Variants in NELL1 observed in about 807,000 individuals in gnomAD.
The protein encoded by NELL1 is neural EGFL like 1.
NELL1 carries 76 observed loss-of-function variants against 107.4 expected under a neutral mutation model. That is an observed-to-expected ratio of 0.71 (90% CI 0.59 to 0.86). The LOEUF is 0.86. Ranked by LOEUF, NELL1 falls within the 40% of genes least tolerant of loss-of-function variation. The pLI is 0.00. For synonymous variants in NELL1, 353 were observed against 341.2 expected (o/e 1.03, Z -0.38); for missense variants, 1,024 against 1,005.5 (o/e 1.02, Z -0.25).
chr11:21,352,247 T>C (rs531574645), intron 14 of NELL1, among the ~76,000 whole-genome samples: 1 of 152,318 alleles, frequency 6.6e-6, no homozygotes, highest in South Asian at 2.1e-4. Flanking sequence ...CCGTATCGCT[T>C]ACTATAATTT....
chr11:21,482,838 G>T (rs891259135), intron 15 of NELL1, among the ~76,000 whole-genome samples: 1 of 151,698 alleles, frequency 6.6e-6, no homozygotes, highest in African/African-American at 2.4e-5. Context: ...CAAGGAACAT[G>T]GTATTTGTAA....
At position 21,004,301 on chromosome 11, in the gene NELL1, A is replaced by C. The variant is rs183321416; in HGVS notation, c.1300+43741A>C. Among the ~76,000 whole-genome samples the C allele has an allele frequency of 2.4e-3, 369 of 152,268 alleles. 1 individual carries two copies. Among genetic ancestry groups the C allele is most frequent in the Non-Finnish European group, 4.1e-3 (277 of 68,020 alleles). On this transcript the variant is annotated intron_variant, in intron 12 of 19. Transcript: ENST00000357134. The stretch of plus-strand genomic sequence containing the variant: ...GTAATTGAAGTGGTTAATAAAAACT[A>C]ATTAATTAGAGTCAGTCTAGTTTAG...
intron 15 of NELL1, among the ~76,000 whole-genome samples, chr11:21,410,375 A>G (rs564265424): frequency 1.3e-5 from 2 of 152,096 alleles, no homozygotes; most frequent in South Asian, 4.1e-4. Flanking sequence ...TTCAAGTTCC[A>G]TCAGGTTTTG....
intron 12 of NELL1, among the ~76,000 whole-genome samples, chr11:20,966,288 G>A (rs954586683): frequency 6.6e-6 from 1 of 152,078 alleles, no homozygotes; most frequent in Non-Finnish European, 1.5e-5. Flanking sequence ...GGGCAAGAGG[G>A]GGCAGAACTG....
At chr11:21,254,442 T>C (rs976483893) in intron 14 of NELL1, among the ~76,000 whole-genome samples, 1 of 152,048 alleles carries the variant, frequency 6.6e-6, no homozygotes, top group Admixed American at 6.6e-5. Flanking sequence ...TTAAGTATCA[T>C]GAGAAAGGTT....
chr11:21,410,559 A>G (rs1027625199), intron 15 of NELL1, among the ~76,000 whole-genome samples: 8 of 152,036 alleles, frequency 5.3e-5, no homozygotes, highest in African/African-American at 1.9e-4. Flanking sequence ...TTTATAACCT[A>G]ACATAAATCA....
At chr11:21,565,323 G>T (rs1350081173) in intron 17 of NELL1, among the ~76,000 whole-genome samples, 1 of 151,858 alleles carries the variant, frequency 6.6e-6, no homozygotes, top group African/African-American at 2.4e-5. Context: ...TTCCCCTGTG[G>T]TAGTGTTCAA....
intron 15 of NELL1, among the ~76,000 whole-genome samples, chr11:21,436,657 A>G (rs1014375459): frequency 4.6e-5 from 7 of 151,542 alleles, no homozygotes; most frequent in Non-Finnish European, 7.4e-5. Context: ...GATATTCATT[A>G]TTTTTCCTCT....
intron 2 of NELL1, among the ~76,000 whole-genome samples, chr11:20,694,072 T>C (rs1453302675): frequency 6.6e-6 from 1 of 152,204 alleles, no homozygotes; most frequent in East Asian, 1.9e-4. Context: ...TTCCAGTTGA[T>C]TGCATGGGCT....
chr11:21,297,790 A>C (rs1009926187), intron 14 of NELL1, among the ~76,000 whole-genome samples: 7 of 152,016 alleles, frequency 4.6e-5, no homozygotes, highest in Non-Finnish European at 8.8e-5. Context: ...AGGTATAAGC[A>C]GGATCTATGA....
chr11:21,297,948 T>C (rs985641964), intron 14 of NELL1, among the ~76,000 whole-genome samples: 6 of 151,756 alleles, frequency 4.0e-5, no homozygotes, highest in Admixed American at 3.3e-4. Context: ...GAGAGCAAAA[T>C]AGGGCTGAGA....
intron 2 of NELL1, among the ~76,000 whole-genome samples, chr11:20,696,351 A>C (rs970492777): frequency 6.6e-6 from 1 of 151,902 alleles, no homozygotes; most frequent in African/African-American, 2.4e-5. Flanking sequence ...TCTAGGAGTG[A>C]AAAACACTAG....
intron 15 of NELL1, among the ~76,000 whole-genome samples, chr11:21,399,437 A>G (rs1467013991): frequency 2.0e-5 from 3 of 151,800 alleles, no homozygotes; most frequent in Non-Finnish European, 4.4e-5. Flanking sequence ...TTCAACATTA[A>G]TGTGTATCAT....
At chr11:21,364,706 G>A (rs1851174991) in intron 14 of NELL1, among the ~76,000 whole-genome samples, 1 of 152,114 alleles carries the variant, frequency 6.6e-6, no homozygotes, top group Non-Finnish European at 1.5e-5. Context: ...GCAATGCATA[G>A]TCTTAAACTG....
At chr11:21,113,764 C>T (rs932590802) in intron 13 of NELL1, 50 bp downstream of exon 13, 10 of 1,588,184 alleles carry the variant, frequency 6.3e-6, no homozygotes, top group Non-Finnish European at 8.6e-6. Flanking sequence ...ATTCTCTGCA[C>T]CATGTCTGTG....
In NELL1 at chr11:21,202,494, C is replaced by T. The variant is rs757336181; in HGVS notation, c.1427-26838C>T. ...ATATCCCCTTTATCATTTCTTATTG[C>T]ATCTATTTAATTCTTCTCTCATTTC... is the stretch of plus-strand genomic sequence containing the variant. On this transcript the variant is annotated intron_variant, in intron 13 of 19. Transcript: ENST00000357134. Among the ~76,000 whole-genome samples, 82 of 152,066 alleles carry T rather than the reference C, an allele frequency of 5.4e-4. 2 individuals are homozygous for T. Among genetic ancestry groups the T allele is most frequent in the Non-Finnish European group, 1.8e-4 (12 of 67,968 alleles).
intron 13 of NELL1, among the ~76,000 whole-genome samples, chr11:21,147,905 A>AAAAGT (rs1856023025): frequency 6.6e-6 from 1 of 151,706 alleles, no homozygotes; most frequent in Admixed American, 6.6e-5. Flanking sequence ...GATATCTTAG[A>AAAAGT]AAAGTAGTTG....
At chr11:21,516,437 T>C (rs1344433987) in intron 15 of NELL1, among the ~76,000 whole-genome samples, 1 of 152,142 alleles carries the variant, frequency 6.6e-6, no homozygotes, top group African/African-American at 2.4e-5. Flanking sequence ...ACAACAGGGA[T>C]ACATTTTAAG....
intron 15 of NELL1, among the ~76,000 whole-genome samples, chr11:21,418,886 A>G (rs998164422): frequency 2.6e-5 from 4 of 152,098 alleles, no homozygotes; most frequent in African/African-American, 9.7e-5. Context: ...CTTGCATCCA[A>G]TCTTCATGAG....
Sources: gnomAD v4.1 joint callset for allele counts (sites outside exome capture counted in the v4.1 genomes callset) on GRCh38, gnomAD v4.1.1 for gene constraint, MANE v1.5 for transcripts, NCBI Gene and HGNC (gene_info 2026-07-23, HGNC 2026-07-21) for gene names.